The following LITAF variants were observed in gnomAD, a reference collection of about 807,000 sequenced individuals.
The protein encoded by LITAF is lipopolysaccharide-induced tumor necrosis factor-alpha factor.
Under a neutral mutation model 14.5 loss-of-function variants are expected in LITAF, and 9 were observed. The observed-to-expected ratio is 0.62, with a 90% CI of 0.37 to 1.08. LITAF has a LOEUF of 1.08. LITAF is among the 50% of genes least tolerant of loss of function. LITAF has a pLI of 0.01. For synonymous variants in LITAF, 98 were observed against 88.2 expected, an observed-to-expected ratio of 1.11 and a Z score of -0.62; for missense variants, 206 against 213.4, an observed-to-expected ratio of 0.97 and a Z score of 0.22.
chr16:11,592,815 C>T (rs542849926), intron 1 of LITAF, among the ~76,000 whole-genome samples: 1 of 152,234 alleles, frequency 6.6e-6, no homozygotes, highest in East Asian at 1.9e-4. Flanking sequence ...GTTGGCAGAT[C>T]ACTTGAGGTC....
chr16:11,566,222 C>T (rs1243407166), intron 1 of LITAF, among the ~76,000 whole-genome samples: 6 of 152,178 alleles, frequency 3.9e-5, no homozygotes, highest in Non-Finnish European at 7.3e-5. Context: ...CAGGAACTGA[C>T]ACTAAAATCT....
At chr16:11,596,623 A>AGG (rs1212711938) in intron 1 of LITAF, among the ~76,000 whole-genome samples, 1 of 624 alleles carries the variant, frequency 1.6e-3, no homozygotes, top group Non-Finnish European at 4.1e-3. Context: ...AGGGGAGAGG[A>AGG]GGAGAGAGGA....
At chr16:11,578,468 T>C (rs929724067) in intron 1 of LITAF, among the ~76,000 whole-genome samples, 2 of 151,918 alleles carry the variant, frequency 1.3e-5, no homozygotes, top group Non-Finnish European at 2.9e-5. Context: ...GAGGCAGAGG[T>C]TGCAGCGAGC....
At chr16:11,621,929 C>A (rs1051109158) in intron 3 of LITAF, among the ~76,000 whole-genome samples, 2 of 152,174 alleles carry the variant, frequency 1.3e-5, no homozygotes, top group Non-Finnish European at 2.9e-5. Context: ...GAAGGCAAGA[C>A]CTTCCCATTT....
chr16:11,555,061 CTTG>C (rs1429136696), intron 2 of LITAF, among the ~76,000 whole-genome samples: 8 of 151,956 alleles, frequency 5.3e-5, no homozygotes, highest in Admixed American at 4.6e-4. Flanking sequence ...GGGACAAGGT[CTTG>C]TTGTGTTGCC....
chr16:11,601,994 C>T (rs2064930735), upstream of LITAF, among the ~76,000 whole-genome samples: 2 of 152,136 alleles, frequency 1.3e-5, no homozygotes, highest in Non-Finnish European at 2.9e-5. Context: ...ATAGCCCCAG[C>T]GTGGAAACAA....
intron 3 of LITAF, among the ~76,000 whole-genome samples, chr16:11,630,287 G>A (rs1487244959): frequency 2.6e-5 from 4 of 152,184 alleles, no homozygotes; most frequent in Admixed American, 1.3e-4. Context: ...ACAAAGCTGG[G>A]TCCTCTCTGA....
At position 11,605,739 on chromosome 16, in the gene LITAF, C is replaced by A. The variant is rs887154943; in HGVS notation, c.85+27794G>T. Among the ~76,000 whole-genome samples, 18 of 152,232 alleles carry A rather than the reference C, an allele frequency of 1.2e-4. No homozygotes were observed. The highest frequency in any genetic ancestry group is 4.3e-4 in the African/African-American group (18 of 41,540). Reference sequence around the variant, plus strand: ...TATGATTGCACCACTGCACTCTAGCCTGGGCAACAGAGTGAGACCCTGTCT... The same window carrying A: ...TATGATTGCACCACTGCACTCTAGCATGGGCAACAGAGTGAGACCCTGTCT... On this transcript the variant is annotated intron_variant, in intron 3 of 3. Coordinates refer to the LITAF transcript ENST00000574848. The surrounding 1 kb of genome is among the most constrained non-coding windows in gnomAD (Gnocchi z 4.7).
chr16:11,607,450 AT>A (rs765712998), intron 3 of LITAF, among the ~76,000 whole-genome samples: 12 of 152,126 alleles, frequency 7.9e-5, no homozygotes, highest in Non-Finnish European at 1.5e-4. Flanking sequence ...CTTGAAATTA[AT>A]TGGTTCTCTT....
chr16:11,600,724 A>G (rs932260119), upstream of LITAF, among the ~76,000 whole-genome samples: 8 of 152,142 alleles, frequency 5.3e-5, no homozygotes, highest in Non-Finnish European at 1.2e-4. The surrounding 1 kb of genome is among the most constrained non-coding windows in gnomAD (Gnocchi z 4.1). Flanking sequence ...TTCTGAGTCC[A>G]TAAGAGACCC....
At chr16:11,577,587 G>T (rs1467894617) in intron 1 of LITAF, among the ~76,000 whole-genome samples, 1 of 151,896 alleles carries the variant, frequency 6.6e-6, no homozygotes, top group Non-Finnish European at 1.5e-5. Context: ...CGAAGTGCTG[G>T]GATTACAGGT....
At chr16:11,568,813 G>A (rs1177719285) in intron 1 of LITAF, among the ~76,000 whole-genome samples, 2 of 151,876 alleles carry the variant, frequency 1.3e-5, no homozygotes, top group African/African-American at 2.4e-5. Context: ...CTGAGTAGCT[G>A]GGACTACAGG....
At chr16:11,561,997 C>G in intron 1 of LITAF, among the ~76,000 whole-genome samples, 1 of 152,064 alleles carries the variant, frequency 6.6e-6, no homozygotes, top group East Asian at 1.9e-4. Flanking sequence ...TAGCTCGCCA[C>G]AGCCTGAAAC....
In LITAF at chr16:11,557,799, C is replaced by T. The variant is rs151037090; in HGVS notation, c.-5-1064G>A. 1.4e-4 allele frequency among the ~76,000 whole-genome samples: 22 copies of T among 152,290 alleles called. 1 individual carries two copies. In the East Asian group the frequency reaches 4.2e-3, roughly 29 times the overall value. ...GGAAATACACATAGACTCCAGTTCT[C>T]ATTTTGAAAAATGAGCACCAGAGCA... is the stretch of plus-strand genomic sequence containing the variant. On this transcript the variant is annotated intron_variant, in intron 1 of 3. Transcript: ENST00000622633.
intron 3 of LITAF, among the ~76,000 whole-genome samples, chr16:11,616,339 T>C (rs2065019574): frequency 6.6e-6 from 1 of 151,976 alleles, no homozygotes; most frequent in South Asian, 2.1e-4. Flanking sequence ...TAGCCAGGCA[T>C]GGTAGCACGT....
chr16:11,637,679 C>T (rs1033190111), upstream of LITAF, among the ~76,000 whole-genome samples: 8 of 151,598 alleles, frequency 5.3e-5, no homozygotes, highest in Admixed American at 1.3e-4. Flanking sequence ...CCCAGGAGTT[C>T]AAGACCAGCC....
intron 2 of LITAF, among the ~76,000 whole-genome samples, chr16:11,554,469 T>C (rs565174238): frequency 6.6e-6 from 1 of 152,130 alleles, no homozygotes; most frequent in South Asian, 2.1e-4. Flanking sequence ...GAAAACATGT[T>C]CGAACATTCT....
In LITAF at chr16:11,553,483, C is replaced by CCCAGAGAGAAGGGCAGGATGGCTTGGGG. The variant is rs759573670; in HGVS notation, c.377+22_377+49dup. 1.6e-5 allele frequency: 25 copies of CCCAGAGAGAAGGGCAGGATGGCTTGGGG among 1,607,060 alleles called. No homozygotes were observed. The East Asian group carries it at 5.4e-4, about 34-fold the overall frequency. ...AGTTGAGAACCCACCCCCGCCAGCA[C>CCCAGAGAGAAGGGCAGGATGGCTTGGGG]CCAGAGAGAAGGGCAGGATGGCTTG... On this transcript the variant is annotated intron_variant, in intron 3 of 3. Coordinates refer to ENST00000622633, the MANE Select transcript of LITAF (RefSeq NM_001136472.2). The surrounding 1 kb of genome is among the most constrained non-coding windows in gnomAD (Gnocchi z 7.7).
chr16:11,628,337 G>A (rs2065097057), intron 3 of LITAF, among the ~76,000 whole-genome samples: 1 of 152,050 alleles, frequency 6.6e-6, no homozygotes, highest in Admixed American at 6.6e-5. Context: ...TAAGAGTCCT[G>A]GGAACTCTTT....
Sources: gnomAD v4.1 joint callset for allele counts (sites outside exome capture counted in the v4.1 genomes callset) on GRCh38, gnomAD v4.1.1 for gene constraint, Gnocchi (gnomAD v3.1) non-coding constraint, MANE v1.5 for transcripts, NCBI Gene and HGNC (gene_info 2026-07-23, HGNC 2026-07-21) for gene names.